Variants in SPOCK1 observed in about 807,000 individuals in gnomAD.
The protein encoded by SPOCK1 is SPARC (osteonectin), cwcv and kazal like domains proteoglycan 1.
Under a neutral mutation model 55.3 loss-of-function variants are expected in SPOCK1, and 23 were observed. That is an observed-to-expected ratio of 0.42 (90% CI 0.30 to 0.59). The LOEUF (loss-of-function observed/expected upper bound fraction) is 0.59, where lower values mean the gene tolerates loss of function less well. Among genes scored for constraint, SPOCK1 ranks in the 20% least tolerant of loss-of-function variants. The probability of loss-of-function intolerance (pLI) is 0.22; values close to 1 mark genes in which losing one functional copy is unlikely to be tolerated. For missense variants in SPOCK1, 499 were observed against 552.5 expected, an observed-to-expected ratio of 0.90 and a Z score of 0.97; for synonymous variants, 226 against 221.0, an observed-to-expected ratio of 1.02 and a Z score of -0.20.
At position 137,138,379 on chromosome 5, in the gene SPOCK1, G is replaced by A. The variant is rs77867261; in HGVS notation, c.347+2201C>T. On this transcript the variant is annotated intron_variant, in intron 4 of 10. Transcript: ENST00000394945. ...ATGCCTGAATATCAATGAGGCTGCT[G>A]AATAGGTCTCAAACCGATTTGAGTT... is the stretch of plus-strand genomic sequence containing the variant. Among the ~76,000 whole-genome samples, 1,509 of 152,216 alleles carry A rather than the reference G, an allele frequency of 9.9e-3. 8 individuals are homozygous for A. The highest frequency in any genetic ancestry group is 0.037 in the East Asian group (190 of 5,176).
intron 3 of SPOCK1, among the ~76,000 whole-genome samples, chr5:137,202,491 G>C (rs1755445089): frequency 1.3e-5 from 2 of 152,186 alleles, no homozygotes; most frequent in Non-Finnish European, 2.9e-5. Context: ...TCCTGATATA[G>C]TTGTATGCAG....
At chr5:137,474,440 C>T (rs1015843351) in intron 2 of SPOCK1, among the ~76,000 whole-genome samples, 4 of 152,086 alleles carry the variant, frequency 2.6e-5, no homozygotes, top group South Asian at 2.1e-4. Flanking sequence ...CTGAAAGTAT[C>T]GATAAGAGCT....
At chr5:137,113,632 T>C (rs145888660) in intron 4 of SPOCK1, among the ~76,000 whole-genome samples, 160 of 152,300 alleles carry the variant, frequency 1.1e-3, no homozygotes, top group African/African-American at 3.8e-3. Context: ...CAAGTGGATA[T>C]TATGAAGATT....
chr5:137,144,665 A>G (rs1363716346), intron 3 of SPOCK1, among the ~76,000 whole-genome samples: 1 of 152,234 alleles, frequency 6.6e-6, no homozygotes, highest in Admixed American at 6.5e-5. Flanking sequence ...CTCAAGGCTC[A>G]GGGTGATGGA....
chr5:137,379,639 A>G (rs1450100013), intron 2 of SPOCK1, among the ~76,000 whole-genome samples: 1 of 151,868 alleles, frequency 6.6e-6, no homozygotes, highest in Non-Finnish European at 1.5e-5. Context: ...AAGACAAGTC[A>G]ATGATTTCAA....
chr5:136,997,565 T>C (rs767586934), intron 6 of SPOCK1, among the ~76,000 whole-genome samples: 5 of 152,194 alleles, frequency 3.3e-5, no homozygotes, highest in South Asian at 2.1e-4. Context: ...CAGGACACAC[T>C]CACTGAAAAA....
chr5:137,059,115 T>A (rs6880363), intron 6 of SPOCK1, among the ~76,000 whole-genome samples: 3,303 of 139,344 alleles, frequency 0.024, 1 homozygote, highest in Middle Eastern at 0.03. Flanking sequence ...GAAGCTATTA[T>A]AATACAAGAC....
rs768693536 is a variant in SPOCK1 at position 137,483,423 on chromosome 5, G to A, written c.186+14950C>T. Among the ~76,000 whole-genome samples the A allele has an allele frequency of 1.4e-4, 22 of 152,258 alleles. 1 individual carries two copies. Among genetic ancestry groups the A allele is most frequent in the Middle Eastern group, 3.4e-3 (1 of 294 alleles). The stretch of plus-strand genomic sequence containing the variant: ...AAAAGTCAAACGTCACAAACAAGAG[G>A]AGCCATATGCCCTAGAATGTAAGCT... On this transcript the variant is annotated intron_variant, in intron 2 of 10. Coordinates refer to ENST00000394945, the MANE Select transcript of SPOCK1 (RefSeq NM_004598.4).
At chr5:137,065,227 CAA>C (rs10697469) in intron 6 of SPOCK1, among the ~76,000 whole-genome samples, 6 of 116,188 alleles carry the variant, frequency 5.2e-5, no homozygotes, top group Non-Finnish European at 6.7e-5. Flanking sequence ...GATTTCATCT[CAA>C]AAAAAAAAAA....
At chr5:136,984,427 T>TAAAAGCAAGGAAAGCAAA (rs1477711084) in intron 9 of SPOCK1, among the ~76,000 whole-genome samples, 2 of 152,084 alleles carry the variant, frequency 1.3e-5, no homozygotes, top group Non-Finnish European at 2.9e-5. Flanking sequence ...CCTCTTTTTT[T>TAAAAGCAAGGAAAGCAAA]AAAAGCAAGG....
chr5:137,012,782 G>A (rs1442301145), intron 6 of SPOCK1, among the ~76,000 whole-genome samples: 2 of 152,044 alleles, frequency 1.3e-5, no homozygotes, highest in Non-Finnish European at 2.9e-5. Context: ...AGCACAGGTG[G>A]GTGCAAAGAT....
chr5:137,440,074 C>T (rs571039928), intron 2 of SPOCK1, among the ~76,000 whole-genome samples: 2 of 151,750 alleles, frequency 1.3e-5, no homozygotes, highest in East Asian at 1.9e-4. Flanking sequence ...GAAAAAAAGA[C>T]TCTGCAGGGA....
chr5:137,184,324 T>A (rs1477693946), intron 3 of SPOCK1, among the ~76,000 whole-genome samples: 5 of 152,000 alleles, frequency 3.3e-5, no homozygotes, highest in Non-Finnish European at 7.4e-5. Flanking sequence ...GCATCTCAGC[T>A]CCTCTCATGG....
At chr5:137,241,665 CT>C (rs146818790) in intron 3 of SPOCK1, among the ~76,000 whole-genome samples, 10,216 of 152,180 alleles carry the variant, frequency 0.067, 1,042 homozygotes, top group African/African-American at 0.22. Flanking sequence ...TCTGTCACCC[CT>C]TTTGCCCTTC....
chr5:137,298,892 T>C (rs1757538594), intron 2 of SPOCK1, among the ~76,000 whole-genome samples: 1 of 152,192 alleles, frequency 6.6e-6, no homozygotes, highest in Admixed American at 6.5e-5. Flanking sequence ...ATATTTCAAG[T>C]AAGCCTCTTG....
At chr5:137,074,636 C>T (rs1752690318) in intron 5 of SPOCK1, among the ~76,000 whole-genome samples, 1 of 152,182 alleles carries the variant, frequency 6.6e-6, no homozygotes. Flanking sequence ...CCTGCCTCAG[C>T]CTCCCTAGTA....
intron 2 of SPOCK1, among the ~76,000 whole-genome samples, chr5:137,460,543 G>C (rs1753465164): frequency 6.6e-6 from 1 of 152,196 alleles, no homozygotes; most frequent in Non-Finnish European, 1.5e-5. Context: ...GCAGATGCAG[G>C]CCAGGCTCCA....
At chr5:137,021,279 T>G (rs1751560018) in intron 6 of SPOCK1, among the ~76,000 whole-genome samples, 5 of 152,198 alleles carry the variant, frequency 3.3e-5, no homozygotes, top group Non-Finnish European at 4.4e-5. Flanking sequence ...GAATACGATA[T>G]GATTCCATCT....
intron 3 of SPOCK1, among the ~76,000 whole-genome samples, chr5:137,193,705 A>G (rs929329012): frequency 6.6e-6 from 1 of 152,224 alleles, no homozygotes; most frequent in Non-Finnish European, 1.5e-5. Flanking sequence ...TTCTGCCCTC[A>G]AACCTTTGGG....
Sources: allele counts gnomAD v4.1 joint callset (sites outside exome capture counted in the v4.1 genomes callset), GRCh38; gene constraint gnomAD v4.1.1; transcripts MANE v1.5; gene names NCBI Gene and HGNC (gene_info 2026-07-23, HGNC 2026-07-21).